Variants in WRN observed in about 807,000 individuals in gnomAD.
The protein encoded by WRN is WRN RecQ like helicase, also known as bifunctional 3'-5' exonuclease/ATP-dependent helicase WRN.
Under a neutral mutation model 180.7 loss-of-function variants are expected in WRN, and 149 were observed. That is an observed-to-expected ratio of 0.82 (90% CI 0.72 to 0.94). The LOEUF is 0.94. WRN is among the 40% of genes least tolerant of loss of function. WRN has a pLI of 0.00. For missense variants in WRN, 1,661 were observed against 1,700.1 expected, an observed-to-expected ratio of 0.98 and a Z score of 0.40; for synonymous variants, 548 against 568.9, an observed-to-expected ratio of 0.96 and a Z score of 0.52.
chr8:31,050,120 G>A (rs138247604), intron 1 of WRN, among the ~76,000 whole-genome samples: 4 of 152,170 alleles, frequency 2.6e-5, no homozygotes, highest in Admixed American at 1.3e-4. Flanking sequence ...AATATAGAAC[G>A]AACACATGTC....
chr8:31,158,472 A>G (rs898152689), intron 33 of WRN, among the ~76,000 whole-genome samples: 19 of 152,174 alleles, frequency 1.2e-4, no homozygotes, highest in African/African-American at 4.6e-4. Flanking sequence ...GTGTAAATAC[A>G]AACTTGGGGT....
chr8:31,097,484 C>G (rs1378563162), intron 17 of WRN, among the ~76,000 whole-genome samples: 1 of 152,082 alleles, frequency 6.6e-6, no homozygotes, highest in Non-Finnish European at 1.5e-5. Flanking sequence ...ATTACAAAAA[C>G]CAAAAACTTA....
intron 11 of WRN, 112 bp from the exon 12 acceptor site, chr8:31,087,664 G>A: frequency 1.9e-6 from 2 of 1,073,748 alleles, no homozygotes; most frequent in Non-Finnish European, 2.8e-6. Context: ...TTGCACATCT[G>A]CCAGCTTTCG....
chr8:31,078,077 C>T (rs935910995), intron 8 of WRN, among the ~76,000 whole-genome samples: 49 of 152,256 alleles, frequency 3.2e-4, no homozygotes, highest in Admixed American at 2.4e-3. Flanking sequence ...CAGAAAATTA[C>T]ATTCTTAGAG....
chr8:31,090,755 A>G, intron 14 of WRN, 79 bp from the exon 15 acceptor site: 1 of 1,273,202 alleles, frequency 7.9e-7, no homozygotes, highest in East Asian at 2.5e-5. Context: ...GTACATTGTA[A>G]AAAGAAATGA....
chr8:31,117,697 C>T (rs1801574644), intron 20 of WRN, among the ~76,000 whole-genome samples: 1 of 152,066 alleles, frequency 6.6e-6, no homozygotes, highest in African/African-American at 2.4e-5. Flanking sequence ...TATCCATCTC[C>T]TTTTCTGATA....
chr8:31,161,838 C>A (rs1287826211), intron 33 of WRN, among the ~76,000 whole-genome samples: 576 of 97,646 alleles, frequency 5.9e-3, no homozygotes, highest in African/African-American at 0.01. Context: ...GACTCTGTCT[C>A]AAAAAAAAAA....
At chr8:31,130,025 C>G (rs77750188) in intron 23 of WRN, among the ~76,000 whole-genome samples, 1 of 60,200 alleles carries the variant, frequency 1.7e-5, no homozygotes, top group Non-Finnish European at 4.3e-5. Flanking sequence ...CAAAACAAAA[C>G]AAAAAAAAAA....
At chr8:31,167,427 T>G (rs1162022653) in intron 34 of WRN, among the ~76,000 whole-genome samples, 197 bp downstream of exon 34, 1 of 152,112 alleles carries the variant, frequency 6.6e-6, no homozygotes, top group Non-Finnish European at 1.5e-5. Flanking sequence ...GGAGGTTTAG[T>G]CCATCTGTTT....
chr8:31,113,066 C>CATGGT (rs1352024179), intron 19 of WRN, among the ~76,000 whole-genome samples: 1 of 150,584 alleles, frequency 6.6e-6, no homozygotes, highest in African/African-American at 2.4e-5. Flanking sequence ...ATTAGCTGGG[C>CATGGT]ATGGTGGTGC....
intron 7 of WRN, among the ~76,000 whole-genome samples, chr8:31,075,282 G>T (rs1252595090): frequency 6.6e-6 from 1 of 152,208 alleles, no homozygotes; most frequent in Non-Finnish European, 1.5e-5. Flanking sequence ...AAGGACAAGA[G>T]AAATGATGAT....
chr8:31,149,466 T>TTTTTG (rs1563381758), intron 30 of WRN, among the ~76,000 whole-genome samples: 2 of 45,558 alleles, frequency 4.4e-5, no homozygotes. Flanking sequence ...TTTTTTTTTT[T>TTTTTG]TTTTTTTTTT....
intron 19 of WRN, 79 bp downstream of exon 19, chr8:31,111,878 T>C: frequency 6.6e-7 from 1 of 1,519,522 alleles, no homozygotes; most frequent in Non-Finnish European, 9.0e-7. Flanking sequence ...TTATGTTATT[T>C]ACGATTTCCT....
At chr8:31,162,096 T>G (rs1585543159) in intron 33 of WRN, among the ~76,000 whole-genome samples, 1 of 152,110 alleles carries the variant, frequency 6.6e-6, no homozygotes, top group African/African-American at 2.4e-5. Context: ...GTTAAAAAAT[T>G]TATCTTCTTT....
Position 31,118,584 on chromosome 8 carries a change from T to C in WRN, c.2449-1659T>C, listed in dbSNP as rs1482881492. Among the ~76,000 whole-genome samples the C allele has an allele frequency of 2.0e-5, 3 of 152,020 alleles. No homozygotes were observed. In the East Asian group the frequency reaches 5.8e-4, roughly 29 times the overall value. On this transcript the variant is annotated intron_variant, in intron 20 of 34. Transcript: ENST00000298139. The stretch of plus-strand genomic sequence containing the variant: ...ATAGAATTCTAGATATTCACTTTTG[T>C]GTGTTTTTACAGTTGTTATATACCT...
At chr8:31,070,664 C>T (rs995950163) in intron 7 of WRN, among the ~76,000 whole-genome samples, 3 of 151,760 alleles carry the variant, frequency 2.0e-5, no homozygotes, top group Non-Finnish European at 4.4e-5. Context: ...AGTTGACACA[C>T]CGAGAGGCAT....
chr8:31,082,327 T>A (rs992003687), intron 9 of WRN, among the ~76,000 whole-genome samples: 1 of 152,196 alleles, frequency 6.6e-6, no homozygotes, highest in African/African-American at 2.4e-5. Context: ...TCCCCATCAT[T>A]TTTCTAATGG....
At chr8:31,134,910 TG>T (rs990548441) in intron 24 of WRN, among the ~76,000 whole-genome samples, 2 of 152,246 alleles carry the variant, frequency 1.3e-5, no homozygotes, top group African/African-American at 4.8e-5. Context: ...GGTTTTATTT[TG>T]CACATAGAAT....
intron 28 of WRN, among the ~76,000 whole-genome samples, chr8:31,146,727 C>T (rs553996423): frequency 3.9e-5 from 6 of 152,254 alleles, no homozygotes; most frequent in East Asian, 3.9e-4. Flanking sequence ...AAGACGTTAA[C>T]GTGTCATCTT....
Sources: allele counts gnomAD v4.1 joint callset (sites outside exome capture counted in the v4.1 genomes callset), GRCh38; gene constraint gnomAD v4.1.1; transcripts MANE v1.5; gene names NCBI Gene and HGNC (gene_info 2026-07-23, HGNC 2026-07-21).